The following ARHGAP17 variants were observed in gnomAD, a reference collection of about 807,000 sequenced individuals.
The protein encoded by ARHGAP17 is rho GTPase-activating protein 17.
A neutral mutation model predicts 99.5 loss-of-function variants in ARHGAP17; 57 were observed. That is an observed-to-expected ratio of 0.57 (90% CI 0.46 to 0.71). The LOEUF (loss-of-function observed/expected upper bound fraction) is 0.71. ARHGAP17 is among the 30% of genes least tolerant of loss of function. The probability of loss-of-function intolerance (pLI) is 0.00; values close to 1 mark genes in which losing one functional copy is unlikely to be tolerated. For synonymous variants in ARHGAP17, 417 were observed against 429.6 expected, an observed-to-expected ratio of 0.97 and a Z score of 0.36; for missense variants, 1,000 against 1,122.4, an observed-to-expected ratio of 0.89 and a Z score of 1.56.
Position 24,977,322 on chromosome 16 carries a change from G to T in ARHGAP17, c.94-3C>A. On this transcript the variant is annotated splice_polypyrimidine_tract_variant and splice_region_variant and intron_variant, in intron 2 of 19. Transcript: ENST00000289968. ...ACCGTGTCCAGGCGTCTCTCAATCT[G>T]ACAAGGCAGAGACAAAAGAGAACAA... 1 of 1,576,240 alleles carries T rather than the reference G, an allele frequency of 6.3e-7. No individual in the cohort carries two copies. Among genetic ancestry groups the T allele is most frequent in the South Asian group, 1.2e-5 (1 of 86,272 alleles).
chr16:24,997,456 G>A (rs770844070), intron 1 of ARHGAP17, among the ~76,000 whole-genome samples: 88 of 152,340 alleles, frequency 5.8e-4, no homozygotes, highest in Non-Finnish European at 9.1e-4. Flanking sequence ...ACCCAGATGC[G>A]CATTCTCTAT....
chr16:24,982,988 A>ATATATT (rs1555467524), intron 1 of ARHGAP17, among the ~76,000 whole-genome samples: 371 of 31,782 alleles, frequency 0.012, 4 homozygotes, highest in South Asian at 0.034. Flanking sequence ...ATATATATAT[A>ATATATT]TATATATATT....
chr16:25,000,777 CCTAAAT>C (rs2053339667), intron 1 of ARHGAP17, among the ~76,000 whole-genome samples: 1 of 152,190 alleles, frequency 6.6e-6, no homozygotes, highest in Non-Finnish European at 1.5e-5. Flanking sequence ...CCAATTTGTT[CCTAAAT>C]CTAAAGTGCA....
chr16:24,943,822 C>T lies in ARHGAP17; in HGVS notation c.1282G>A (p.Val428Ile). 6.2e-7 allele frequency: 1 copy of T among 1,614,204 alleles called. No homozygotes were observed. The highest frequency in any genetic ancestry group is 1.7e-5 in the Admixed American group (1 of 60,026). ...EMAAATSVHV[V>I]AVIEPIIQHA... The stretch of plus-strand genomic sequence containing the variant: ...TGAATGATGGGTTCAATCACTGCAA[C>T]CACATGGACGGATGTGGCTGCTGCC... Residue 428 changes from valine to isoleucine, a missense_variant, in exon 15 of 20, where the codon GTT becomes ATT. Physicochemically the swap from Val to Ile is conservative, Grantham distance 29 (BLOSUM62 3). Coordinates refer to ENST00000289968, the MANE Select transcript of ARHGAP17 (RefSeq NM_001006634.3).
chr16:24,928,321 A>G (rs2050893739), intron 19 of ARHGAP17, among the ~76,000 whole-genome samples: 2 of 152,366 alleles, frequency 1.3e-5, no homozygotes, highest in African/African-American at 4.8e-5. Flanking sequence ...TTCTTGAGTT[A>G]GGAGAATTCA....
chr16:24,951,521 G>C (rs192201340), intron 12 of ARHGAP17, among the ~76,000 whole-genome samples: 2 of 151,976 alleles, frequency 1.3e-5, no homozygotes, highest in African/African-American at 4.8e-5. Flanking sequence ...TGGAGATCTC[G>C]GACAATCTGA....
At chr16:24,948,462 A>G (rs1387161754) in intron 13 of ARHGAP17, among the ~76,000 whole-genome samples, 1 of 152,136 alleles carries the variant, frequency 6.6e-6, no homozygotes, top group Non-Finnish European at 1.5e-5. Context: ...TGAATTTTGA[A>G]CCATGGGAAT....
intron 19 of ARHGAP17, among the ~76,000 whole-genome samples, chr16:24,930,482 T>A (rs1010349846): frequency 6.6e-6 from 1 of 152,080 alleles, no homozygotes; most frequent in Non-Finnish European, 1.5e-5. Flanking sequence ...AAGTCAGGGG[T>A]CGGCAAACTT....
In ARHGAP17 at chr16:24,960,049, C is replaced by G. The variant is rs1340889314; in HGVS notation, c.574-70G>C. On this transcript the variant is annotated intron_variant, in intron 7 of 19. Coordinates refer to ENST00000289968, the MANE Select transcript of ARHGAP17 (RefSeq NM_001006634.3). ...AAACAAAATGGCATCTGAGAACAATCTCTGTGAGCTCTTAGATGAAAAAGT... is the reference window on the plus strand; with the variant it reads ...AAACAAAATGGCATCTGAGAACAATGTCTGTGAGCTCTTAGATGAAAAAGT... 4.2e-6 allele frequency: 6 copies of G among 1,414,302 alleles called. No homozygotes were observed. The Admixed American group carries it at 6.9e-5, about 16-fold the overall frequency. 87.6% of individuals were successfully genotyped at this position (1,414,302 alleles called of 1,614,324 possible).
chr16:24,943,857 A>C lies in ARHGAP17; in HGVS notation c.1247T>G (p.Leu416Arg). 2 of 1,614,166 alleles carry C rather than the reference A, an allele frequency of 1.2e-6. No individual in the cohort carries two copies. Among genetic ancestry groups the C allele is most frequent in the Non-Finnish European group, 1.7e-6 (2 of 1,180,008 alleles). ...NLLWARNEGT[L>R]AEMAAATSVH... ...GGATGTGGCTGCTGCCATTTCAGCA[A>C]GTGTTCTGCAAAGCAAGTTCACAAA... The change falls in exon 15 of 20, where the codon CTT (leucine) becomes CGT (arginine). Residue 416 changes from leucine (L) to arginine (R), a missense_variant. Around this residue, in one of 2 missense-constraint regions of ARHGAP17, gnomAD observed 472 missense variants for 611.1 expected, o/e 0.77. Transcript: ENST00000289968.
intron 1 of ARHGAP17, among the ~76,000 whole-genome samples, chr16:24,980,721 A>T (rs1008947787): frequency 2.0e-5 from 3 of 152,212 alleles, no homozygotes; most frequent in African/African-American, 7.2e-5. Flanking sequence ...TCATAGTTTC[A>T]CCATTAGACG....
chr16:24,926,134 A>G (rs866175955), intron 19 of ARHGAP17, among the ~76,000 whole-genome samples: 12 of 151,126 alleles, frequency 7.9e-5, no homozygotes, highest in East Asian at 1.9e-4. Flanking sequence ...AAAGAAAAGA[A>G]AAGAGAAGAG....
rs779834439 is a variant in ARHGAP17 at position 24,920,209 on chromosome 16, T to A, written c.2567A>T (p.His856Leu). ...CACGTCTTTGCTGGCTGAGTCTGAG[T>A]GCATTTCAGGAAAGATGCTGCGATG... ...EPHRSIFPEMHSDSASKDVPG... is the reference protein window; with the variant it reads ...EPHRSIFPEMLSDSASKDVPG... Residue 856 changes from histidine (H) to leucine (L), a missense_variant, in exon 20 of 20, where the codon CAC becomes CTC. Around this residue, in one of 2 missense-constraint regions of ARHGAP17, gnomAD observed 528 missense variants for 511.4 expected, o/e 1.03. Coordinates refer to ENST00000289968, the MANE Select transcript of ARHGAP17 (RefSeq NM_001006634.3). 5 of 1,613,912 alleles carry A rather than the reference T, an allele frequency of 3.1e-6. No individual in the cohort carries two copies. In the African/African-American group the frequency reaches 4.0e-5, roughly 13 times the overall value.
chr16:24,959,690 G>A lies in ARHGAP17; in HGVS notation c.705C>T (p.Pro235=), dbSNP rs200577018. Residue 235 remains proline, a synonymous_variant, in exon 9 of 20, where the codon CCC becomes CCT. Transcript: ENST00000289968. The stretch of plus-strand genomic sequence containing the variant: ...CATTACCTTGATGGGCTCGCATTTC[G>A]GGGAGGGTCTTTTCTAAGACTGCTA... ...KALAVLEKTL[P]EMRAHQDKWA... 171 of 1,613,920 alleles carry A rather than the reference G, an allele frequency of 1.1e-4. No homozygotes were observed. Among genetic ancestry groups the A allele is most frequent in the Non-Finnish European group, 7.8e-5 (92 of 1,180,012 alleles).
At chr16:24,926,800 G>A (rs2050853769) in intron 19 of ARHGAP17, among the ~76,000 whole-genome samples, 1 of 152,184 alleles carries the variant, frequency 6.6e-6, no homozygotes, top group Non-Finnish European at 1.5e-5. Flanking sequence ...CATGAAAGAA[G>A]TGAGATTCAA....
chr16:25,006,307 G>A (rs1038477165), intron 1 of ARHGAP17, among the ~76,000 whole-genome samples: 5 of 151,730 alleles, frequency 3.3e-5, no homozygotes, highest in East Asian at 1.9e-4. Flanking sequence ...AAAATTAGCC[G>A]GACATGGTGG....
At chr16:24,943,468 T>A (rs2051373354) in intron 15 of ARHGAP17, among the ~76,000 whole-genome samples, 1 of 152,220 alleles carries the variant, frequency 6.6e-6, no homozygotes, top group South Asian at 2.1e-4. Context: ...TGTGGCCATC[T>A]TCTCCAGTGG....
intron 7 of ARHGAP17, among the ~76,000 whole-genome samples, chr16:24,960,874 T>TTTTA (rs2051972723): frequency 6.6e-6 from 1 of 151,844 alleles, no homozygotes; most frequent in Admixed American, 6.6e-5. Context: ...TTTATTTTGT[T>TTTTA]TTTATTTATT....
intron 13 of ARHGAP17, among the ~76,000 whole-genome samples, chr16:24,948,258 T>A (rs1313460479): frequency 1.3e-5 from 2 of 152,134 alleles, no homozygotes; most frequent in Non-Finnish European, 2.9e-5. Context: ...ACACTACCAT[T>A]TGGTTTTTTA....
Sources: allele counts gnomAD v4.1 joint callset (sites outside exome capture counted in the v4.1 genomes callset), GRCh38; gene constraint gnomAD v4.1.1; regional missense constraint gnomAD v4.1.1; transcripts MANE v1.5; gene names NCBI Gene and HGNC (gene_info 2026-07-23, HGNC 2026-07-21).